The following FER1L6 variants were observed in gnomAD, a reference collection of about 807,000 sequenced individuals.
The protein encoded by FER1L6 is fer-1-like protein 6.
Under a neutral mutation model 219.2 loss-of-function variants are expected in FER1L6, and 177 were observed. The ratio of observed to expected loss-of-function variants is 0.81; its 90% CI spans 0.71 to 0.91. The LOEUF is 0.91. Among genes scored for constraint, FER1L6 ranks in the 40% least tolerant of loss-of-function variants. FER1L6 has a pLI of 0.00. For missense variants in FER1L6, 2,153 were observed against 2,259.9 expected (o/e 0.95, Z 0.96); for synonymous variants, 768 against 824.3 (o/e 0.93, Z 1.17).
At chr8:123,863,671 G>A (rs1226925261) in intron 1 of FER1L6, among the ~76,000 whole-genome samples, 2 of 145,660 alleles carry the variant, frequency 1.4e-5, no homozygotes, top group African/African-American at 5.3e-5. Context: ...CTCCTGTATT[G>A]GGTGCATATA....
At chr8:123,935,334 A>C (rs1294213979) in intron 1 of FER1L6, among the ~76,000 whole-genome samples, 2 of 152,108 alleles carry the variant, frequency 1.3e-5, no homozygotes, top group Non-Finnish European at 2.9e-5. Flanking sequence ...TTCTTTTGAC[A>C]TTTCTCCATC....
intron 1 of FER1L6, among the ~76,000 whole-genome samples, chr8:123,904,665 G>A (rs879583308): frequency 3.9e-5 from 6 of 152,334 alleles, no homozygotes; most frequent in Non-Finnish European, 8.8e-5. Context: ...TAGATGCCAA[G>A]TTAGGGTTGA....
intron 12 of FER1L6, among the ~76,000 whole-genome samples, chr8:123,989,631 T>G (rs1220133937): frequency 6.6e-6 from 1 of 152,176 alleles, no homozygotes; most frequent in Non-Finnish European, 1.5e-5. Flanking sequence ...ACCCATAGCT[T>G]AGCTCCTGCT....
At chr8:123,930,550 A>C (rs1813728725) in intron 1 of FER1L6, among the ~76,000 whole-genome samples, 1 of 152,148 alleles carries the variant, frequency 6.6e-6, no homozygotes, top group South Asian at 2.1e-4. Flanking sequence ...CACTATGGAC[A>C]CTCATGACTT....
At chr8:123,972,187 C>T (rs888996341) in intron 6 of FER1L6, among the ~76,000 whole-genome samples, 1 of 152,162 alleles carries the variant, frequency 6.6e-6, no homozygotes, top group East Asian at 1.9e-4. Flanking sequence ...CTCTGACACC[C>T]ATGGAAAATT....
intron 13 of FER1L6, among the ~76,000 whole-genome samples, chr8:124,006,015 CTTGT>C (rs1817639832): frequency 6.6e-6 from 1 of 152,196 alleles, no homozygotes; most frequent in African/African-American, 2.4e-5. Context: ...GAAAGCCATA[CTTGT>C]TTATCTGTCG....
At chr8:123,984,630 TAGG>T (rs1816480300) in intron 11 of FER1L6, 1 of 152,024 alleles carries the variant, frequency 6.6e-6, no homozygotes, top group African/African-American at 2.4e-5. Flanking sequence ...GATAGAGTGG[TAGG>T]AGGAGGGTAT....
intron 39 of FER1L6, among the ~76,000 whole-genome samples, chr8:124,103,992 C>T (rs17292662): frequency 0.39 from 59,278 of 152,086 alleles, 11,717 homozygotes; most frequent in Non-Finnish European, 0.41. Flanking sequence ...AGGATTTTTC[C>T]GGTAGCAGGT....
intron 1 of FER1L6, among the ~76,000 whole-genome samples, chr8:123,916,089 A>G (rs1196346533): frequency 6.6e-6 from 1 of 152,194 alleles, no homozygotes; most frequent in Non-Finnish European, 1.5e-5. Context: ...CTGTCCTGAA[A>G]GAGGACCCAG....
intron 2 of FER1L6, 78 bp from the exon 3 acceptor site, chr8:123,963,200 G>C: frequency 1.3e-6 from 2 of 1,580,876 alleles, no homozygotes; most frequent in Non-Finnish European, 1.7e-6. Flanking sequence ...GCCTGCCACA[G>C]GGCTGGCATA....
chr8:124,026,052 A>C (rs1315236897), intron 18 of FER1L6, among the ~76,000 whole-genome samples: 1 of 152,160 alleles, frequency 6.6e-6, no homozygotes, highest in Non-Finnish European at 1.5e-5. Context: ...TGCACCCTTC[A>C]TCAAGACAGA....
At chr8:124,025,557 A>G (rs1818669388) in intron 18 of FER1L6, among the ~76,000 whole-genome samples, 1 of 152,188 alleles carries the variant, frequency 6.6e-6, no homozygotes. Context: ...TTATAGCAGT[A>G]CCATGTTGTT....
Position 123,853,906 on chromosome 8 carries a change from G to A in FER1L6, c.-8+1721G>A, listed in dbSNP as rs769684220. Among the ~76,000 whole-genome samples the A allele has an allele frequency of 1.3e-5, 2 of 152,196 alleles. No homozygotes were observed. The highest frequency in any genetic ancestry group is 2.1e-4 in the South Asian group (1 of 4,820). On this transcript the variant is annotated intron_variant, in intron 1 of 40. Coordinates refer to ENST00000522917, the MANE Select transcript of FER1L6 (RefSeq NM_001039112.2). This position sits in a 1 kb window ranked among gnomAD's most constrained non-coding sequence, Gnocchi z 6.6. ...TGCAACTCCACAGAGCCTGGACAGGGCAGCAGAAGGTGCACCTCTGAGGAG... is the reference window on the plus strand; with the variant it reads ...TGCAACTCCACAGAGCCTGGACAGGACAGCAGAAGGTGCACCTCTGAGGAG...
intron 35 of FER1L6, among the ~76,000 whole-genome samples, chr8:124,097,027 T>C (rs1365260668): frequency 6.6e-6 from 1 of 151,712 alleles, no homozygotes. Flanking sequence ...CAATAAAGGT[T>C]TGCTCACCCT....
At chr8:124,014,523 A>G (rs1462917069) in intron 15 of FER1L6, 1 of 152,696 alleles carries the variant, frequency 6.5e-6, no homozygotes, top group Non-Finnish European at 1.5e-5. Flanking sequence ...GAAAATTTAA[A>G]GAGTCTCTCT....
intron 22 of FER1L6, among the ~76,000 whole-genome samples, chr8:124,056,847 C>T (rs1563770524): frequency 2.0e-5 from 3 of 152,122 alleles, no homozygotes; most frequent in South Asian, 2.1e-4. Context: ...AAGTTCGAGA[C>T]CAGACTGGTT....
intron 1 of FER1L6, among the ~76,000 whole-genome samples, chr8:123,931,926 T>G (rs1387441457): frequency 6.6e-6 from 1 of 152,182 alleles, no homozygotes; most frequent in Admixed American, 6.5e-5. Flanking sequence ...AAAAAATATC[T>G]TACAATTCTG....
At chr8:123,948,984 T>C (rs1161668160) in intron 1 of FER1L6, among the ~76,000 whole-genome samples, 1 of 152,162 alleles carries the variant, frequency 6.6e-6, no homozygotes, top group Non-Finnish European at 1.5e-5. Context: ...TCCAGTGAAG[T>C]GTGCACTAGC....
chr8:123,986,825 A>G (rs1006308397), intron 12 of FER1L6, among the ~76,000 whole-genome samples: 43 of 152,290 alleles, frequency 2.8e-4, no homozygotes, highest in African/African-American at 9.9e-4. Context: ...TGTTCCATCC[A>G]TGTTGCTGGA....
Sources: allele counts gnomAD v4.1 joint callset (sites outside exome capture counted in the v4.1 genomes callset), GRCh38; gene constraint gnomAD v4.1.1; non-coding constraint Gnocchi (gnomAD v3.1); transcripts MANE v1.5; gene names NCBI Gene and HGNC (gene_info 2026-07-23, HGNC 2026-07-21).